Variants in GRM1 observed in about 807,000 individuals in gnomAD.
The protein encoded by GRM1 is metabotropic glutamate receptor 1.
In GRM1, 33 loss-of-function variants were observed where a neutral mutation model predicts 90.9. That is an observed-to-expected ratio of 0.36 (90% CI 0.28 to 0.49). The LOEUF (loss-of-function observed/expected upper bound fraction) is 0.49. GRM1 is among the 20% of genes least tolerant of loss of function. GRM1 has a pLI of 0.99. For synonymous variants in GRM1, 700 were observed against 613.2 expected (o/e 1.14, Z -2.09); for missense variants, 1,190 against 1,534.3 (o/e 0.78, Z 3.75).
chr6:146,385,174 C>A (rs1776457094), intron 5 of GRM1, among the ~76,000 whole-genome samples: 1 of 151,874 alleles, frequency 6.6e-6, no homozygotes, highest in Non-Finnish European at 1.5e-5. Context: ...AGGATAAACA[C>A]AAAGAAGTCA....
chr6:146,226,792 A>T (rs1376032699), intron 2 of GRM1, among the ~76,000 whole-genome samples: 1 of 152,124 alleles, frequency 6.6e-6, no homozygotes, highest in African/African-American at 2.4e-5. Flanking sequence ...GGCACCTGTG[A>T]TTCTATGCTA....
At chr6:146,408,322 G>A (rs1415127481) in intron 7 of GRM1, among the ~76,000 whole-genome samples, 1 of 152,140 alleles carries the variant, frequency 6.6e-6, no homozygotes, top group Non-Finnish European at 1.5e-5. Context: ...TCAGCTCATA[G>A]CAGATGTCTA....
intron 1 of GRM1, among the ~76,000 whole-genome samples, chr6:146,148,493 A>G (rs1777197261): frequency 6.6e-6 from 1 of 152,180 alleles, no homozygotes; most frequent in African/African-American, 2.4e-5. Context: ...GTACAATTTT[A>G]TATCATCCTT....
chr6:146,291,261 G>A (rs1340054635), intron 2 of GRM1, among the ~76,000 whole-genome samples: 1 of 151,558 alleles, frequency 6.6e-6, no homozygotes, highest in Non-Finnish European at 1.5e-5. Context: ...CATAGTTTTG[G>A]TTCTTTGAAA....
intron 7 of GRM1, among the ~76,000 whole-genome samples, chr6:146,428,517 G>T (rs1215884962): frequency 1.3e-5 from 2 of 152,146 alleles, no homozygotes; most frequent in Non-Finnish European, 2.9e-5. Context: ...TTCTCAGGGT[G>T]AATTATGAGA....
At chr6:146,198,081 T>C (rs937217840) in intron 2 of GRM1, among the ~76,000 whole-genome samples, 4 of 152,258 alleles carry the variant, frequency 2.6e-5, no homozygotes, top group African/African-American at 9.6e-5. Context: ...ATTGTAGTGA[T>C]GGTATCATGG....
intron 5 of GRM1, among the ~76,000 whole-genome samples, chr6:146,362,756 A>G (rs147743357): frequency 1.8e-3 from 278 of 152,118 alleles, no homozygotes; most frequent in African/African-American, 6.4e-3. Flanking sequence ...GGCATTAGAA[A>G]TGTGGCCCTA....
chr6:146,089,970 T>C (rs756254869), intron 1 of GRM1, among the ~76,000 whole-genome samples: 1 of 152,006 alleles, frequency 6.6e-6, no homozygotes, highest in Non-Finnish European at 1.5e-5. Flanking sequence ...ATTTTTTATG[T>C]CTTTTTTTAT....
intron 3 of GRM1, among the ~76,000 whole-genome samples, chr6:146,326,401 G>A (rs1784401874): frequency 6.6e-6 from 1 of 152,104 alleles, no homozygotes; most frequent in South Asian, 2.1e-4. Context: ...AGAACACATG[G>A]ACACATCGAG....
At chr6:146,127,778 T>C (rs1028478828) in intron 1 of GRM1, among the ~76,000 whole-genome samples, 1 of 152,190 alleles carries the variant, frequency 6.6e-6, no homozygotes, top group Non-Finnish European at 1.5e-5. Context: ...TGATATTAAG[T>C]ATTTTTCTGG....
intron 2 of GRM1, among the ~76,000 whole-genome samples, chr6:146,187,756 A>T (rs990348825): frequency 1.6e-4 from 24 of 145,620 alleles, no homozygotes; most frequent in Admixed American, 9.1e-4. Context: ...TATATATATA[A>T]AATTAGCTAT....
chr6:146,068,263 G>A (rs1019918711), intron 1 of GRM1, among the ~76,000 whole-genome samples: 3 of 152,136 alleles, frequency 2.0e-5, no homozygotes, highest in African/African-American at 4.8e-5. Context: ...ACAGGCGCCC[G>A]CCACCTCGCC....
chr6:146,040,071 A>G (rs1004389920), intron 1 of GRM1, among the ~76,000 whole-genome samples: 4 of 152,052 alleles, frequency 2.6e-5, no homozygotes, highest in African/African-American at 9.7e-5. Context: ...AAACACAAAA[A>G]GATGGTCAAG....
chr6:146,395,509 C>G (rs1267271027), intron 6 of GRM1, among the ~76,000 whole-genome samples: 1 of 152,050 alleles, frequency 6.6e-6, no homozygotes, highest in Non-Finnish European at 1.5e-5. Context: ...CTTTAATCTT[C>G]TCTTTTCTGC....
intron 1 of GRM1, among the ~76,000 whole-genome samples, chr6:146,065,440 C>T (rs1052275584): frequency 2.6e-5 from 4 of 152,250 alleles, no homozygotes; most frequent in East Asian, 1.9e-4. Flanking sequence ...TCTGTGCTTC[C>T]GTTTCTGAAT....
chr6:146,153,104 T>C lies in GRM1; in HGVS notation c.701-6244T>C, dbSNP rs146384495. Among the ~76,000 whole-genome samples the C allele has an allele frequency of 5.4e-3, 824 of 152,270 alleles. 6 individuals carry two copies. Among genetic ancestry groups the C allele is most frequent in the African/African-American group, 0.019 (791 of 41,560 alleles). On this transcript the variant is annotated intron_variant, in intron 1 of 7. Transcript: ENST00000282753. The stretch of plus-strand genomic sequence containing the variant: ...CTGGTAGATAGCCAAAGAGCACATG[T>C]CCCCTAGTTTCTTTCTCTTTATGGA...
chr6:146,379,273 AT>A (rs1285601070), intron 5 of GRM1, among the ~76,000 whole-genome samples: 2 of 150,080 alleles, frequency 1.3e-5, no homozygotes, highest in African/African-American at 2.5e-5. Flanking sequence ...TCTTTTCTTT[AT>A]TCTTTTGTCT....
chr6:146,286,059 C>G lies in GRM1; in HGVS notation c.951-18552C>G, dbSNP rs575466491. Among the ~76,000 whole-genome samples, 313 of 152,238 alleles carry G rather than the reference C, an allele frequency of 2.1e-3. 1 individual carries two copies. Among genetic ancestry groups the G allele is most frequent in the African/African-American group, 7.2e-3 (301 of 41,560 alleles). On this transcript the variant is annotated intron_variant, in intron 2 of 7. Coordinates refer to ENST00000282753, the MANE Select transcript of GRM1 (RefSeq NM_001278064.2). ...GAACATTCAAACTAAGTTATACTGT[C>G]ATTGTAATTAAAAACAGTGATATCT...
At chr6:146,413,193 A>G (rs941862572) in intron 7 of GRM1, among the ~76,000 whole-genome samples, 4 of 152,162 alleles carry the variant, frequency 2.6e-5, no homozygotes, top group Admixed American at 1.3e-4. Flanking sequence ...AGTGTTTTCA[A>G]TATGTTGTTC....
Sources: allele counts gnomAD v4.1 joint callset (sites outside exome capture counted in the v4.1 genomes callset), GRCh38; gene constraint gnomAD v4.1.1; transcripts MANE v1.5; gene names NCBI Gene and HGNC (gene_info 2026-07-23, HGNC 2026-07-21).